The following RASEF variants were observed in gnomAD, a reference collection of about 807,000 sequenced individuals.
RASEF encodes ras and EF-hand domain-containing protein.
In RASEF, 68 loss-of-function variants were observed where a neutral mutation model predicts 90.1. That is an observed-to-expected ratio of 0.75 (90% confidence interval 0.62 to 0.92). RASEF has a LOEUF of 0.92. Among genes scored for constraint, RASEF ranks in the 40% least tolerant of loss-of-function variants. The probability of loss-of-function intolerance (pLI) is 0.00; values close to 1 mark genes in which losing one functional copy is unlikely to be tolerated. For synonymous variants in RASEF, 331 were observed against 345.2 expected, an observed-to-expected ratio of 0.96 and a Z score of 0.46; for missense variants, 949 against 937.2, an observed-to-expected ratio of 1.01 and a Z score of -0.16.
the RASEF span, among the ~76,000 whole-genome samples, chr9:83,198,223 G>A: frequency 6.6e-6 from 1 of 152,008 alleles, no homozygotes; most frequent in African/African-American, 2.4e-5. Context: ...GAAATAAGAA[G>A]GCACCTGAAA....
the RASEF span, among the ~76,000 whole-genome samples, chr9:83,141,036 G>C: frequency 6.6e-6 from 1 of 151,772 alleles, no homozygotes; most frequent in East Asian, 1.9e-4. Flanking sequence ...CCAGCTACTT[G>C]GGAGGCTGAG....
At chr9:83,163,767 AAGG>A in the RASEF span, among the ~76,000 whole-genome samples, 3 of 152,126 alleles carry the variant, frequency 2.0e-5, no homozygotes, top group Non-Finnish European at 4.4e-5. Flanking sequence ...GGAATACCAG[AAGG>A]AGAAGAAAAA....
At chr9:83,171,561 G>T in the RASEF span, among the ~76,000 whole-genome samples, 2 of 151,700 alleles carry the variant, frequency 1.3e-5, no homozygotes, top group African/African-American at 2.4e-5. Flanking sequence ...ATCAGGTCCT[G>T]GACTTTTCTA....
the RASEF span, among the ~76,000 whole-genome samples, chr9:83,163,990 T>C: frequency 7.6e-6 from 1 of 132,436 alleles, no homozygotes; most frequent in East Asian, 2.2e-4. Context: ...AAATCTTACT[T>C]GAGAGGAAAA....
chr9:83,021,558 G>A (rs958929377), intron 3 of RASEF, among the ~76,000 whole-genome samples: 1 of 152,086 alleles, frequency 6.6e-6, no homozygotes, highest in Admixed American at 6.5e-5. Context: ...CTGAATAAAG[G>A]CATACAATCA....
In RASEF at chr9:83,000,973, C is replaced by G; in HGVS notation, c.1360G>C (p.Glu454Gln). The G allele has an allele frequency of 6.2e-7, 1 of 1,614,136 alleles. No homozygotes were observed. Among genetic ancestry groups the G allele is most frequent in the Non-Finnish European group, 8.5e-7 (1 of 1,180,024 alleles). Residue 454 changes from glutamate to glutamine, a missense_variant, in exon 10 of 17, where the codon GAA becomes CAA. By Grantham distance (29) the Glu-to-Gln change is conservative (BLOSUM62 2). This residue lies in a region of RASEF where 656 missense variants were observed against 592.2 expected (regional missense o/e 1.11). Transcript: ENST00000376447. ...RDPNEYDSEV[E>Q]YKHQRGFQRS... Reference sequence around the variant, plus strand: ...TGAAATCCCCTCTGGTGCTTGTATTCCACTTCTGAGTCATACTCATTGGGA... The same window carrying G: ...TGAAATCCCCTCTGGTGCTTGTATTGCACTTCTGAGTCATACTCATTGGGA...
the RASEF span, among the ~76,000 whole-genome samples, chr9:83,189,064 T>C: frequency 6.6e-6 from 1 of 152,194 alleles, no homozygotes; most frequent in Admixed American, 6.5e-5. Context: ...CACCAGCTGA[T>C]ACGGGTTGGC....
chr9:83,039,700 T>G (rs1829804549), intron 1 of RASEF, among the ~76,000 whole-genome samples: 1 of 152,222 alleles, frequency 6.6e-6, no homozygotes, highest in Non-Finnish European at 1.5e-5. Context: ...GTCTTCAGCG[T>G]GCTGCTGCCT....
the RASEF span, among the ~76,000 whole-genome samples, chr9:83,104,445 G>A: frequency 1.3e-5 from 2 of 152,114 alleles, no homozygotes; most frequent in African/African-American, 2.4e-5. Context: ...GAAACATTGA[G>A]TCAGTCCATG....
chr9:83,139,890 A>T, the RASEF span, among the ~76,000 whole-genome samples: 1 of 152,220 alleles, frequency 6.6e-6, no homozygotes, highest in Non-Finnish European at 1.5e-5. Context: ...AGCAAATACT[A>T]TATTGGTTAC....
chr9:83,009,241 G>C (rs191241737), intron 6 of RASEF, among the ~76,000 whole-genome samples: 46 of 151,642 alleles, frequency 3.0e-4, no homozygotes, highest in African/African-American at 9.4e-4. Context: ...ATGTGTATTA[G>C]GTTTTATGGT....
chr9:82,997,763 G>A (rs1056637090), intron 13 of RASEF, among the ~76,000 whole-genome samples: 2 of 152,116 alleles, frequency 1.3e-5, no homozygotes, highest in Admixed American at 6.6e-5. Context: ...GCACCATGGG[G>A]GCAGGTATTT....
Position 83,031,387 on chromosome 9 carries a change from A to G in RASEF, c.432-5466T>C, listed in dbSNP as rs569540751. Among the ~76,000 whole-genome samples, 12 of 152,340 alleles carry G rather than the reference A, an allele frequency of 7.9e-5. No individual in the cohort carries two copies. In the East Asian group the frequency reaches 2.1e-3, roughly 27 times the overall value. ...CAGATACCAAAGTAGATATTTATTG[A>G]TCACCTTATATATGTAGTCCAGGTG... On this transcript the variant is annotated intron_variant, in intron 1 of 16. Transcript: ENST00000376447.
At chr9:82,983,510 C>T (rs941394354) in intron 16 of RASEF, among the ~76,000 whole-genome samples, 1 of 152,148 alleles carries the variant, frequency 6.6e-6, no homozygotes, top group Non-Finnish European at 1.5e-5. Context: ...CCAGAAGTCT[C>T]ACCTTAGACA....
At chr9:83,069,039 T>A in the RASEF span, among the ~76,000 whole-genome samples, 1 of 152,024 alleles carries the variant, frequency 6.6e-6, no homozygotes, top group African/African-American at 2.4e-5. Context: ...AAGCAAATAT[T>A]ACTGTAGAGA....
intron 16 of RASEF, 30 bp from the exon 17 acceptor site, chr9:82,982,812 AGAG>A (rs760466297): frequency 0.018 from 17,296 of 957,042 alleles, 200 homozygotes; most frequent in South Asian, 0.084. Flanking sequence ...AGACAGAGAG[AGAG>A]AGAGAGAGAG....
chr9:83,096,965 T>A, the RASEF span, among the ~76,000 whole-genome samples: 1 of 152,162 alleles, frequency 6.6e-6, no homozygotes, highest in South Asian at 2.1e-4. Context: ...CATGAACTCA[T>A]CATTTTTTAT....
chr9:83,004,570 G>A lies in RASEF; in HGVS notation c.1130C>T (p.Ser377Leu). The A allele has an allele frequency of 6.3e-7, 1 of 1,582,940 alleles. No individual in the cohort carries two copies. The highest frequency in any genetic ancestry group is 8.7e-7 in the Non-Finnish European group (1 of 1,151,864). The change falls in exon 9 of 17, where the codon TCA becomes TTA. Residue 377 changes from serine (S) to leucine (L), a missense_variant. Ser to Leu is a moderately radical substitution (Grantham distance 145). Coordinates refer to ENST00000376447, the MANE Select transcript of RASEF (RefSeq NM_152573.4). ...GCTTCTAGAAATTGTATTCCCTGGT[G>A]AGATATTATTTATATGCTGTAATAT... The part of the protein sequence containing the change: ...FNRSLHINNI[S>L]PGNTISRSSP...
chr9:83,124,661 G>T, the RASEF span, among the ~76,000 whole-genome samples: 1 of 152,192 alleles, frequency 6.6e-6, no homozygotes, highest in South Asian at 2.1e-4. Flanking sequence ...AAGCCCTATT[G>T]TGAGTCAGTA....
Sources: gnomAD v4.1 joint callset for allele counts (sites outside exome capture counted in the v4.1 genomes callset) on GRCh38, gnomAD v4.1.1 for gene constraint, gnomAD v4.1.1 regional missense constraint, MANE v1.5 for transcripts, NCBI Gene and HGNC (gene_info 2026-07-23, HGNC 2026-07-21) for gene names.